SUCLG2: variants seen among roughly 807,000 people sequenced by gnomAD.
SUCLG2 encodes the protein succinate-CoA ligase GDP-forming subunit beta.
In SUCLG2, 42 loss-of-function variants were observed where a neutral mutation model predicts 47.9. The observed-to-expected ratio is 0.88, with a 90% confidence interval of 0.69 to 1.14. The LOEUF (loss-of-function observed/expected upper bound fraction) is 1.14. Among genes scored for constraint, SUCLG2 ranks in the 50% most tolerant of loss-of-function variants. SUCLG2 has a pLI of 0.00. For synonymous variants in SUCLG2, 195 were observed against 197.3 expected, an observed-to-expected ratio of 0.99 and a Z score of 0.10; for missense variants, 571 against 525.9, an observed-to-expected ratio of 1.09 and a Z score of -0.84.
chr3:67,511,318 T>C (rs912630143), intron 6 of SUCLG2, among the ~76,000 whole-genome samples: 1 of 152,190 alleles, frequency 6.6e-6, no homozygotes, highest in African/African-American at 2.4e-5. Context: ...AAAAAGGGTA[T>C]CTCACTGGTA....
intron 9 of SUCLG2, among the ~76,000 whole-genome samples, chr3:67,412,600 G>A (rs938497857): frequency 6.6e-6 from 1 of 151,998 alleles, no homozygotes; most frequent in East Asian, 1.9e-4. Context: ...TTATTCCCCC[G>A]TCCCTCCCAG....
intron 2 of SUCLG2, among the ~76,000 whole-genome samples, chr3:67,559,962 G>A (rs1206889358): frequency 6.6e-6 from 1 of 151,028 alleles, no homozygotes; most frequent in South Asian, 2.1e-4. Flanking sequence ...GGGAGGCTGT[G>A]CAGTTGTCGG....
At chr3:67,621,683 T>C (rs1359994451) in intron 1 of SUCLG2, among the ~76,000 whole-genome samples, 2 of 152,128 alleles carry the variant, frequency 1.3e-5, no homozygotes, top group East Asian at 3.9e-4. Flanking sequence ...AGAAGAGAGA[T>C]GAGAGCTAGT....
intron 7 of SUCLG2, among the ~76,000 whole-genome samples, chr3:67,501,747 G>T (rs1167364616): frequency 6.6e-6 from 1 of 152,066 alleles, no homozygotes; most frequent in African/African-American, 2.4e-5. Context: ...AACTCCAGGG[G>T]ACTGGAGAGC....
intron 2 of SUCLG2, among the ~76,000 whole-genome samples, chr3:67,592,150 A>T (rs188671271): frequency 6.6e-6 from 1 of 152,246 alleles, no homozygotes; most frequent in East Asian, 1.9e-4. Context: ...CCAAGATCTC[A>T]TGTGGGAAAA....
At chr3:67,361,823 A>G (rs539039633) in intron 10 of SUCLG2, among the ~76,000 whole-genome samples, 3 of 152,304 alleles carry the variant, frequency 2.0e-5, no homozygotes, top group African/African-American at 7.2e-5. Context: ...TGGTTGTGAT[A>G]CTAACAGATG....
chr3:67,451,327 T>C (rs1019884484), intron 9 of SUCLG2, among the ~76,000 whole-genome samples: 3 of 152,254 alleles, frequency 2.0e-5, no homozygotes, highest in Admixed American at 2.0e-4. Flanking sequence ...AATGAATCGA[T>C]ATTTGCAAGG....
rs189335793 is a variant in SUCLG2 at position 67,428,317 on chromosome 3, T to C, written c.1063-27466A>G. Reference sequence around the variant, plus strand: ...GCTGTCCTGCAGCCTCTGCTGGTGATATCCAGGCAAACAGGGTCTGGAGTG... The same window carrying C: ...GCTGTCCTGCAGCCTCTGCTGGTGACATCCAGGCAAACAGGGTCTGGAGTG... On this transcript the variant is annotated intron_variant, in intron 9 of 10. Coordinates refer to ENST00000307227, the MANE Select transcript of SUCLG2 (RefSeq NM_003848.4). Among the ~76,000 whole-genome samples, 126 of 152,304 alleles carry C rather than the reference T, an allele frequency of 8.3e-4. 3 individuals carry two copies. In the Middle Eastern group the frequency reaches 0.01, roughly 12 times the overall value.
chr3:67,461,690 T>A (rs4423787), intron 9 of SUCLG2, among the ~76,000 whole-genome samples: 1 of 151,774 alleles, frequency 6.6e-6, no homozygotes, highest in Non-Finnish European at 1.5e-5. Flanking sequence ...GACCTCTTCC[T>A]GCCAGATGCT....
intron 2 of SUCLG2, among the ~76,000 whole-genome samples, chr3:67,582,103 A>T (rs1707893611): frequency 6.6e-6 from 1 of 152,212 alleles, no homozygotes; most frequent in Admixed American, 6.5e-5. Flanking sequence ...ATATTAATAT[A>T]CCATATTTCT....
At chr3:67,392,592 T>A (rs1254853408) in intron 10 of SUCLG2, among the ~76,000 whole-genome samples, 2 of 152,172 alleles carry the variant, frequency 1.3e-5, no homozygotes, top group African/African-American at 4.8e-5. Context: ...ATGTTAGACA[T>A]CCACTGCCTT....
chr3:67,604,649 G>GAGA (rs10675875), intron 2 of SUCLG2, among the ~76,000 whole-genome samples: 73,558 of 151,504 alleles, frequency 0.49, 18,700 homozygotes, highest in African/African-American at 0.63. Flanking sequence ...GTAGGGTGGC[G>GAGA]AGAAGAAGAG....
chr3:67,378,913 A>C (rs1702091747), intron 10 of SUCLG2, among the ~76,000 whole-genome samples: 1 of 152,152 alleles, frequency 6.6e-6, no homozygotes, highest in Admixed American at 6.5e-5. Context: ...ACAGGAGCAA[A>C]CCAGTCTTTG....
At chr3:67,394,450 A>G (rs62256373) in intron 10 of SUCLG2, among the ~76,000 whole-genome samples, 44,299 of 146,584 alleles carry the variant, frequency 0.3, 8,011 homozygotes, top group Middle Eastern at 0.5. Flanking sequence ...AATGAAATGA[A>G]GCGAGAAGGG....
downstream of SUCLG2, among the ~76,000 whole-genome samples, chr3:67,374,265 T>C (rs1349215662): frequency 6.6e-6 from 1 of 152,194 alleles, no homozygotes; most frequent in African/African-American, 2.4e-5. Context: ...ATGGCAAACA[T>C]GGCTCTAAAC....
intron 1 of SUCLG2, among the ~76,000 whole-genome samples, chr3:67,631,576 G>C (rs1700926675): frequency 6.6e-6 from 1 of 152,002 alleles, no homozygotes; most frequent in Admixed American, 6.6e-5. Flanking sequence ...GCAGTGAGCT[G>C]AGATCACACC....
intron 1 of SUCLG2, among the ~76,000 whole-genome samples, chr3:67,623,560 G>A (rs1187025099): frequency 6.6e-6 from 1 of 151,934 alleles, no homozygotes; most frequent in Non-Finnish European, 1.5e-5. Flanking sequence ...CTAGGCCATG[G>A]GATCATTCTT....
chr3:67,467,447 C>T (rs1254077218), intron 9 of SUCLG2, among the ~76,000 whole-genome samples: 2 of 152,260 alleles, frequency 1.3e-5, no homozygotes, highest in East Asian at 3.9e-4. Context: ...GCTCCACTGC[C>T]TTCACGTGGA....
chr3:67,424,020 T>A (rs1703238314), intron 9 of SUCLG2, among the ~76,000 whole-genome samples: 2 of 152,344 alleles, frequency 1.3e-5, no homozygotes, highest in Non-Finnish European at 2.9e-5. Context: ...CAGAAACTGA[T>A]AAATACTCTG....
Sources: gnomAD v4.1 joint callset for allele counts (sites outside exome capture counted in the v4.1 genomes callset) on GRCh38, gnomAD v4.1.1 for gene constraint, MANE v1.5 for transcripts, NCBI Gene and HGNC (gene_info 2026-07-23, HGNC 2026-07-21) for gene names.